SYPL1: variants seen among roughly 807,000 people sequenced by gnomAD.
The protein encoded by SYPL1 is synaptophysin like 1.
A neutral mutation model predicts 23.7 loss-of-function variants in SYPL1; 6 were observed. The observed-to-expected ratio is 0.25, with a 90% confidence interval of 0.14 to 0.50. SYPL1 has a LOEUF of 0.50. Among genes scored for constraint, SYPL1 ranks in the 20% least tolerant of loss-of-function variants. SYPL1 has a pLI of 0.98. For missense variants in SYPL1, 253 were observed against 288.9 expected, an observed-to-expected ratio of 0.88 and a Z score of 0.90; for synonymous variants, 102 against 104.5, an observed-to-expected ratio of 0.98 and a Z score of 0.15.
At position 106,112,141 on chromosome 7, in the gene SYPL1, C is replaced by T; in HGVS notation, c.68G>A (p.Trp23Ter). 1 of 1,519,294 alleles carries T rather than the reference C, an allele frequency of 6.6e-7. No individual in the cohort carries two copies. The highest frequency in any genetic ancestry group is 8.9e-7 in the Non-Finnish European group (1 of 1,123,794). The allele number at this position is 1,519,294 out of a possible 1,614,324, so 94.1% of individuals were successfully genotyped here. ...CTGGCCGGCGCGGGCTGCACTCACC[C>T]ACTCGAGGACCTTGATGAAGCCGAG... ...EPLGFIKVLEWIASIFAFATC... is the reference protein window; with the variant it reads ...EPLGFIKVLE Residue 23 changes from tryptophan to a stop codon, truncating the protein, a stop_gained and splice_region_variant, in exon 1 of 5, where the codon TGG becomes TAG. Transcript: ENST00000455385. LOFTEE classifies it high-confidence loss of function.
intron 1 of SYPL1, among the ~76,000 whole-genome samples, chr7:106,108,258 C>T (rs1470899509): frequency 1.3e-5 from 2 of 152,134 alleles, no homozygotes; most frequent in Non-Finnish European, 2.9e-5. Context: ...CTACTATTTT[C>T]ATGTCTTCTG....
intron 3 of SYPL1, among the ~76,000 whole-genome samples, chr7:106,093,989 A>T (rs940542907): frequency 2.0e-5 from 3 of 152,240 alleles, no homozygotes; most frequent in South Asian, 2.1e-4. Flanking sequence ...ATTTTAGATC[A>T]TAAGTCTAAT....
At chr7:106,110,429 TAC>T (rs1204619546) in intron 1 of SYPL1, among the ~76,000 whole-genome samples, 1 of 152,242 alleles carries the variant, frequency 6.6e-6, no homozygotes, top group African/African-American at 2.4e-5. Flanking sequence ...ATTCTTTGCA[TAC>T]ACCTTTATCA....
In SYPL1 at chr7:106,104,078, G is replaced by A. The variant is rs1840463161; in HGVS notation, c.70-4796C>T. 6.6e-6 allele frequency among the ~76,000 whole-genome samples: 1 copy of A among 152,168 alleles called. No individual in the cohort carries two copies. Among genetic ancestry groups the A allele is most frequent in the Non-Finnish European group, 1.5e-5 (1 of 68,030 alleles). Reference sequence around the variant, plus strand: ...CATACCATGTATTTATGTCTTAAATGTATATGCTTCTTCTTCTGGGAATGC... The same window carrying A: ...CATACCATGTATTTATGTCTTAAATATATATGCTTCTTCTTCTGGGAATGC... On this transcript the variant is annotated intron_variant, in intron 1 of 4. Coordinates refer to ENST00000455385, the MANE Select transcript of SYPL1 (RefSeq NM_182715.4). This position sits in a 1 kb window ranked among gnomAD's most constrained non-coding sequence, Gnocchi z 4.1.
chr7:106,108,753 G>A (rs559827458), intron 1 of SYPL1, among the ~76,000 whole-genome samples: 1 of 152,060 alleles, frequency 6.6e-6, no homozygotes, highest in Non-Finnish European at 1.5e-5. Context: ...CTTTCTCCCT[G>A]CCGTATTTTC....
In SYPL1 at chr7:106,112,259, G is replaced by C; in HGVS notation, c.-51C>G. The C allele has an allele frequency of 2.0e-6, 3 of 1,507,364 alleles. No homozygotes were observed. The highest frequency in any genetic ancestry group is 2.7e-6 in the Non-Finnish European group (3 of 1,117,516). 93.4% of individuals were successfully genotyped at this position (1,507,364 alleles called of 1,614,324 possible). On this transcript the variant is annotated 5_prime_UTR_variant, in exon 1 of 5. Coordinates refer to ENST00000455385, the MANE Select transcript of SYPL1 (RefSeq NM_182715.4). Reference sequence around the variant, plus strand: ...GTCAGGACGACGGGGCGGAGGAGGGGACCGACGAGACCAGAGCAGCCCGGT... The same window carrying C: ...GTCAGGACGACGGGGCGGAGGAGGGCACCGACGAGACCAGAGCAGCCCGGT...
At chr7:106,102,470 T>C (rs979904524) in intron 1 of SYPL1, among the ~76,000 whole-genome samples, 7 of 152,144 alleles carry the variant, frequency 4.6e-5, no homozygotes, top group African/African-American at 1.7e-4. Context: ...AGTGGCCATG[T>C]TGGGAGGATA....
At chr7:106,099,026 T>A in intron 2 of SYPL1, 132 bp downstream of exon 2, 5 of 1,111,812 alleles carry the variant, frequency 4.5e-6, no homozygotes, top group East Asian at 2.4e-5. Flanking sequence ...GTTTGGGAGG[T>A]AATGATCACT....
rs1398284230 is a variant in SYPL1, at chr7:106,095,758, A to G, written c.402+1932T>C. 1.3e-5 allele frequency among the ~76,000 whole-genome samples: 2 copies of G among 152,212 alleles called. No individual in the cohort carries two copies. Among genetic ancestry groups the G allele is most frequent in the African/African-American group, 4.8e-5 (2 of 41,454 alleles). On this transcript the variant is annotated intron_variant, in intron 3 of 4. Transcript: ENST00000455385. This position sits in a 1 kb window ranked among gnomAD's most constrained non-coding sequence, Gnocchi z 4.3. ...GACAAGAAGCACCCATTATGTAACA[A>G]TAAAAACCTACTTAAGGAATTTTGG... is the stretch of plus-strand genomic sequence containing the variant.
intron 1 of SYPL1, among the ~76,000 whole-genome samples, chr7:106,110,098 C>T (rs1055563067): frequency 6.6e-6 from 1 of 152,072 alleles, no homozygotes; most frequent in Admixed American, 6.5e-5. Context: ...TATTCCATAC[C>T]CTGCACATAT....
intron 3 of SYPL1, among the ~76,000 whole-genome samples, chr7:106,094,837 A>G (rs913921507): frequency 1.4e-4 from 21 of 151,948 alleles, no homozygotes; most frequent in African/African-American, 3.9e-4. Context: ...GGCCATTCTT[A>G]TATTTCAAAA....
intron 4 of SYPL1, chr7:106,092,695 ATTAATCTTCCCAGAT>A: frequency 1.9e-6 from 1 of 539,408 alleles, no homozygotes. Context: ...AAAAAAAGAA[ATTAATCTTCCCAGAT>A]ATAAATCTGA....
chr7:106,112,548 C>G (rs1314552091), upstream of SYPL1: 2 of 1,502,880 alleles, frequency 1.3e-6, no homozygotes, highest in Non-Finnish European at 1.8e-6. Flanking sequence ...CGCCGCGCCC[C>G]CTTCCCTGCG....
rs759779032 is a variant in SYPL1, at chr7:106,100,402, A to G, written c.70-1120T>C. 6.6e-5 allele frequency among the ~76,000 whole-genome samples: 10 copies of G among 152,256 alleles called. No individual in the cohort carries two copies. Among genetic ancestry groups the G allele is most frequent in the South Asian group, 4.1e-4 (2 of 4,830 alleles). On this transcript the variant is annotated intron_variant, in intron 1 of 4. Coordinates refer to ENST00000455385, the MANE Select transcript of SYPL1 (RefSeq NM_182715.4). This position sits in a 1 kb window ranked among gnomAD's most constrained non-coding sequence, Gnocchi z 5.1. ...AGAATGTTGGAGATTAACAACATAGAAAGTGTTCATTACATACAAAGTAGA... is the reference window on the plus strand; with the variant it reads ...AGAATGTTGGAGATTAACAACATAGGAAGTGTTCATTACATACAAAGTAGA...
In SYPL1 at chr7:106,112,302, G is replaced by GGGGCTGGCGCGCTGGCC; in HGVS notation, c.-95_-94insGGCCAGCGCGCCAGCCC. ...AGCCCGGTGGCGAGGAAGGGCAGGC[G>GGGGCTGGCGCGCTGGCC]GGGCTGGCGCGCTGGCCGGGCTCGG... On this transcript the variant is annotated 5_prime_UTR_variant, in exon 1 of 5. Coordinates refer to ENST00000455385, the MANE Select transcript of SYPL1 (RefSeq NM_182715.4). 7.4e-7 allele frequency: 1 copy of GGGGCTGGCGCGCTGGCC among 1,354,866 alleles called. No homozygotes were observed. The allele number at this position is 1,354,866 out of a possible 1,614,324, so 83.9% of individuals were successfully genotyped here. A position where few individuals can be genotyped will look rare whatever the true frequency, so the allele number is the denominator to read the frequency against.
At chr7:106,099,942 T>C (rs1392868940) in intron 1 of SYPL1, among the ~76,000 whole-genome samples, 1 of 152,216 alleles carries the variant, frequency 6.6e-6, no homozygotes, top group Non-Finnish European at 1.5e-5. Context: ...GAGTATAATA[T>C]AGAAATAAAT....
chr7:106,091,490 G>T lies in SYPL1; in HGVS notation c.*315C>A. 4.6e-6 allele frequency: 1 copy of T among 216,044 alleles called. No homozygotes were observed. The highest frequency in any genetic ancestry group is 9.2e-6 in the Non-Finnish European group (1 of 108,302). 13.4% of individuals were successfully genotyped at this position (216,044 alleles called of 1,614,324 possible). On this transcript the variant is annotated 3_prime_UTR_variant, in exon 5 of 5. Transcript: ENST00000455385. This position sits in a 1 kb window ranked among gnomAD's most constrained non-coding sequence, Gnocchi z 5.0. The stretch of plus-strand genomic sequence containing the variant: ...ATGACAATATAACTGTTTTCTGAAT[G>T]AAGATACATGTTAAGGCTTAAGGTG...
intron 1 of SYPL1, among the ~76,000 whole-genome samples, chr7:106,107,550 G>A (rs1056892899): frequency 1.3e-5 from 2 of 152,054 alleles, no homozygotes; most frequent in African/African-American, 4.8e-5. Flanking sequence ...AGACCAGCCT[G>A]GTGAAACCAG....
In SYPL1 at chr7:106,109,242, T is replaced by A. The variant is rs1790020485; in HGVS notation, c.69+2898A>T. On this transcript the variant is annotated intron_variant, in intron 1 of 4. Coordinates refer to ENST00000455385, the MANE Select transcript of SYPL1 (RefSeq NM_182715.4). The surrounding 1 kb of genome is among the most constrained non-coding windows in gnomAD (Gnocchi z 4.3). ...GCAACTGAGTTGTAAGCTGAACTAG[T>A]GGCTTTTTTTTGTAACCACCAAATT... 6.6e-6 allele frequency among the ~76,000 whole-genome samples: 1 copy of A among 152,216 alleles called. No homozygotes were observed. Among genetic ancestry groups the A allele is most frequent in the Non-Finnish European group, 1.5e-5 (1 of 68,038 alleles).
Sources: allele counts gnomAD v4.1 joint callset (sites outside exome capture counted in the v4.1 genomes callset), GRCh38; gene constraint gnomAD v4.1.1; non-coding constraint Gnocchi (gnomAD v3.1); transcripts MANE v1.5; gene names NCBI Gene and HGNC (gene_info 2026-07-23, HGNC 2026-07-21).